The following USP34 variants were observed in gnomAD, a reference collection of about 807,000 sequenced individuals.
USP34 encodes the protein ubiquitin specific peptidase 34, also known as ubiquitin carboxyl-terminal hydrolase 34.
A neutral mutation model predicts 460.3 loss-of-function variants in USP34; 70 were observed. The ratio of observed to expected loss-of-function variants is 0.15; its 90% confidence interval spans 0.13 to 0.19. USP34 has a LOEUF of 0.19. USP34 is among the 10% of genes least tolerant of loss of function. The pLI is 1.00. For missense variants in USP34, 3,985 were observed against 4,236.2 expected, an observed-to-expected ratio of 0.94 and a Z score of 1.65; for synonymous variants, 1,647 against 1,405.3, an observed-to-expected ratio of 1.17 and a Z score of -3.85.
At position 61,245,295 on chromosome 2, in the gene USP34, T is replaced by C. The variant is rs755684850; in HGVS notation, c.6549-7A>G. ...AGCATCATTAAAAAGATACCTAAAA[T>C]AGAGCATATAGTATTAATCTAGTAT... On this transcript the variant is annotated splice_region_variant and splice_polypyrimidine_tract_variant and intron_variant, in intron 50 of 79. Transcript: ENST00000398571. 4 of 1,578,076 alleles carry C rather than the reference T, an allele frequency of 2.5e-6. No homozygotes were observed. The African/African-American group carries it at 5.5e-5, about 22-fold the overall frequency.
chr2:61,248,293 G>A (rs1245000275), intron 49 of USP34, among the ~76,000 whole-genome samples: 2 of 151,494 alleles, frequency 1.3e-5, no homozygotes, highest in African/African-American at 4.9e-5. Flanking sequence ...GTTCACCACT[G>A]TGTCTCCAGT....
chr2:61,347,387 G>A (rs900088330), intron 15 of USP34, among the ~76,000 whole-genome samples: 2 of 151,916 alleles, frequency 1.3e-5, no homozygotes, highest in African/African-American at 4.8e-5. Context: ...GTTGTTCAAC[G>A]TTTTGCTTTT....
In USP34 at chr2:61,266,412, A is replaced by T. The variant is rs201901882; in HGVS notation, c.5434-245T>A. On this transcript the variant is annotated intron_variant, in intron 41 of 79. Transcript: ENST00000398571. ...GCTCATTCTTAGACTCTTCACGTACAATGTTGTTATTTTCTATTCCATTAA... is the reference window on the plus strand; with the variant it reads ...GCTCATTCTTAGACTCTTCACGTACTATGTTGTTATTTTCTATTCCATTAA... 2.6e-5 allele frequency among the ~76,000 whole-genome samples: 4 copies of T among 152,264 alleles called. No homozygotes were observed. In the East Asian group the frequency reaches 7.7e-4, roughly 29 times the overall value.
intron 2 of USP34, among the ~76,000 whole-genome samples, chr2:61,418,215 G>A (rs1338273771): frequency 6.6e-5 from 10 of 151,710 alleles, no homozygotes; most frequent in Non-Finnish European, 1.3e-4. Flanking sequence ...GAGTAGCTGG[G>A]ATTACTGGTA....
intron 64 of USP34, 76 bp downstream of exon 64, chr2:61,222,984 A>C: frequency 7.7e-7 from 1 of 1,305,430 alleles, no homozygotes; most frequent in Non-Finnish European, 1.1e-6. Context: ...GGCATGAGCC[A>C]CCGCACTCGG....
intron 16 of USP34, among the ~76,000 whole-genome samples, chr2:61,340,749 T>C (rs989399411): frequency 1.3e-5 from 2 of 152,134 alleles, no homozygotes; most frequent in Admixed American, 6.5e-5. Flanking sequence ...TTTGCCACTC[T>C]TTTAATTGGG....
At chr2:61,452,987 C>T (rs1471013249) in intron 1 of USP34, among the ~76,000 whole-genome samples, 1 of 150,830 alleles carries the variant, frequency 6.6e-6, no homozygotes, top group African/African-American at 2.4e-5. Flanking sequence ...TGTTAGGACA[C>T]CCTATCATAC....
At chr2:61,360,752 GC>G (rs1338859650) in intron 10 of USP34, among the ~76,000 whole-genome samples, 3 of 152,090 alleles carry the variant, frequency 2.0e-5, no homozygotes, top group Middle Eastern at 3.2e-3. Flanking sequence ...GACGTCCTGG[GC>G]TCAAGCAATC....
chr2:61,357,070 T>A (rs983927158), intron 10 of USP34, among the ~76,000 whole-genome samples: 1 of 152,042 alleles, frequency 6.6e-6, no homozygotes, highest in African/African-American at 2.4e-5. Context: ...AAATAGAGAA[T>A]CTGAACAACA....
rs763181933 is a variant in USP34, at chr2:61,370,431, A to G, written c.1159-18T>C. The G allele has an allele frequency of 6.2e-7, 1 of 1,613,372 alleles. No individual in the cohort carries two copies. Among genetic ancestry groups the G allele is most frequent in the Non-Finnish European group, 8.5e-7 (1 of 1,179,730 alleles). Reference sequence around the variant, plus strand: ...TTGATAATCTGGAAAAGAAAAACTTAATATCAATTTTTAAAAATATTCTTC... The same window carrying G: ...TTGATAATCTGGAAAAGAAAAACTTGATATCAATTTTTAAAAATATTCTTC... On this transcript the variant is annotated intron_variant, in intron 9 of 79. Coordinates refer to ENST00000398571, the MANE Select transcript of USP34 (RefSeq NM_014709.4).
Position 61,315,707 on chromosome 2 carries a change from A to T in USP34, c.3283-733T>A, listed in dbSNP as rs894614433. Among the ~76,000 whole-genome samples the T allele has an allele frequency of 2.6e-5, 4 of 152,254 alleles. No homozygotes were observed. The South Asian group carries it at 8.3e-4, about 32-fold the overall frequency. ...AATTTATGATGTCAACCATGAGATGACAACAAAAAATGTTTTCACTAAAAA... is the reference window on the plus strand; with the variant it reads ...AATTTATGATGTCAACCATGAGATGTCAACAAAAAATGTTTTCACTAAAAA... On this transcript the variant is annotated intron_variant, in intron 23 of 79. Coordinates refer to ENST00000398571, the MANE Select transcript of USP34 (RefSeq NM_014709.4).
At chr2:61,388,628 C>T (rs2950268) in intron 5 of USP34, among the ~76,000 whole-genome samples, 52,676 of 151,586 alleles carry the variant, frequency 0.35, 9,336 homozygotes, top group Admixed American at 0.4. Flanking sequence ...TGGTGGTGGG[C>T]GCCTGTAGCC....
intron 1 of USP34, among the ~76,000 whole-genome samples, chr2:61,443,437 A>T (rs1695022437): frequency 6.6e-6 from 1 of 151,970 alleles, no homozygotes; most frequent in Non-Finnish European, 1.5e-5. Context: ...ACGTACAATT[A>T]TTACGTCAAT....
Position 61,405,913 on chromosome 2 carries a change from G to A in USP34, c.347C>T (p.Thr116Ile), listed in dbSNP as rs754269125. 9.9e-6 allele frequency: 16 copies of A among 1,613,196 alleles called. No individual in the cohort carries two copies. The highest frequency in any genetic ancestry group is 1.3e-5 in the Non-Finnish European group (15 of 1,179,854). ...NIDRECNEGS[T>I]ERQKSIEKKS... ...TTTTTCTATTGATTTTTGTCTTTCT[G>A]TACTTCCTTCATTACACTCTCTATC... The change falls in exon 3 of 80, where the codon ACA becomes ATA. Residue 116 changes from threonine to isoleucine, a missense_variant. Physicochemically the swap from Thr to Ile is moderately conservative, Grantham distance 89. Transcript: ENST00000398571.
chr2:61,388,456 T>G (rs72813584), intron 5 of USP34, among the ~76,000 whole-genome samples: 1 of 129,590 alleles, frequency 7.7e-6, no homozygotes, highest in Non-Finnish European at 1.6e-5. Flanking sequence ...CAGGGGAGTT[T>G]AAAAAAAAAA....
chr2:61,453,714 CAAAAAAAAAAAAAA>C (rs1169951643), intron 1 of USP34, among the ~76,000 whole-genome samples: 1 of 31,934 alleles, frequency 3.1e-5, no homozygotes, highest in Non-Finnish European at 7.5e-5. Context: ...CATTCCATCT[CAAAAAAAAAAAAAA>C]AAAAAAAGGA....
chr2:61,300,066 T>C (rs1430261459), intron 29 of USP34, among the ~76,000 whole-genome samples: 2 of 152,316 alleles, frequency 1.3e-5, no homozygotes, highest in African/African-American at 4.8e-5. Context: ...TGCCATCCTA[T>C]TTCAGGGCAA....
At chr2:61,286,422 G>A (rs866899395) in intron 34 of USP34, among the ~76,000 whole-genome samples, 3 of 152,196 alleles carry the variant, frequency 2.0e-5, no homozygotes, top group South Asian at 2.1e-4. Context: ...TTGGGAGGCC[G>A]AGGCAGGAGG....
chr2:61,457,805 A>G (rs1695481439), intron 1 of USP34, among the ~76,000 whole-genome samples: 2 of 152,154 alleles, frequency 1.3e-5, no homozygotes, highest in Admixed American at 1.3e-4. Context: ...CTAGGATCAT[A>G]TCACTGTACT....
Sources: gnomAD v4.1 joint callset for allele counts (sites outside exome capture counted in the v4.1 genomes callset) on GRCh38, gnomAD v4.1.1 for gene constraint, MANE v1.5 for transcripts, NCBI Gene and HGNC (gene_info 2026-07-23, HGNC 2026-07-21) for gene names.